Variants in GABPB1 observed in about 807,000 individuals in gnomAD.
GABPB1 encodes the protein GA binding protein transcription factor subunit beta 1.
GABPB1 carries 15 observed loss-of-function variants against 45.9 expected under a neutral mutation model. The observed-to-expected ratio is 0.33, with a 90% CI of 0.22 to 0.50. GABPB1 has a LOEUF of 0.50. Ranked by LOEUF, GABPB1 falls within the 20% of genes least tolerant of loss-of-function variation. GABPB1 has a pLI of 0.98. For synonymous variants in GABPB1, 143 were observed against 154.4 expected, an observed-to-expected ratio of 0.93 and a Z score of 0.55; for missense variants, 252 against 457.5, an observed-to-expected ratio of 0.55 and a Z score of 4.10.
chr15:50,305,269 T>TA (rs1206642723), intron 2 of GABPB1, among the ~76,000 whole-genome samples: 1 of 144,812 alleles, frequency 6.9e-6, no homozygotes, highest in Non-Finnish European at 1.5e-5. Context: ...TAAAGGTCCT[T>TA]AGTCCTATCT....
intron 1 of GABPB1, among the ~76,000 whole-genome samples, chr15:50,332,854 T>C (rs560284602): frequency 6.6e-5 from 10 of 152,286 alleles, no homozygotes; most frequent in African/African-American, 2.4e-4. Context: ...TTAGACATTT[T>C]TACTATGTTT....
rs1037022256 is a variant in GABPB1 at position 50,277,994 on chromosome 15, G to A, written c.*638C>T. 6.6e-5 allele frequency: 10 copies of A among 152,440 alleles called. No homozygotes were observed. Among genetic ancestry groups the A allele is most frequent in the African/African-American group, 2.4e-4 (10 of 41,428 alleles). 9.4% of individuals were successfully genotyped at this position (152,440 alleles called of 1,614,324 possible). Reference sequence around the variant, plus strand: ...TTCTGTGGGAGAAATACCTATGTAAGTGATGCATTTTGAAATTATAAAACA... The same window carrying A: ...TTCTGTGGGAGAAATACCTATGTAAATGATGCATTTTGAAATTATAAAACA... On this transcript the variant is annotated 3_prime_UTR_variant, in exon 9 of 9. Transcript: ENST00000380877.
At chr15:50,341,403 A>T (rs1162167255) in intron 1 of GABPB1, among the ~76,000 whole-genome samples, 1 of 152,070 alleles carries the variant, frequency 6.6e-6, no homozygotes, top group Non-Finnish European at 1.5e-5. Context: ...ATGGCGGTGC[A>T]TGCCTGTAAT....
At position 50,300,915 on chromosome 15, in the gene GABPB1, A is replaced by G. The variant is rs763456350; in HGVS notation, c.584-13T>C. Reference sequence around the variant, plus strand: ...ACACCCGTTTCATCTGTAAGAAAAAAGAAAATAGATTTGAATTTCTAAGGA... The same window carrying G: ...ACACCCGTTTCATCTGTAAGAAAAAGGAAAATAGATTTGAATTTCTAAGGA... On this transcript the variant is annotated splice_polypyrimidine_tract_variant and intron_variant, in intron 5 of 8. Coordinates refer to ENST00000380877, the MANE Select transcript of GABPB1 (RefSeq NM_016654.5). 6 of 1,462,698 alleles carry G rather than the reference A, an allele frequency of 4.1e-6. No homozygotes were observed. Among genetic ancestry groups the G allele is most frequent in the Non-Finnish European group, 4.8e-6 (5 of 1,044,728 alleles). The allele number at this position is 1,462,698 out of a possible 1,614,324, so 90.6% of individuals were successfully genotyped here.
At chr15:50,288,364 A>G (rs2046234886) in intron 7 of GABPB1, among the ~76,000 whole-genome samples, 1 of 152,128 alleles carries the variant, frequency 6.6e-6, no homozygotes, top group African/African-American at 2.4e-5. Flanking sequence ...AGCCCTAGTC[A>G]TTTTCTCAAA....
intron 1 of GABPB1, chr15:50,354,066 C>G: frequency 3.7e-6 from 1 of 269,994 alleles, no homozygotes. Flanking sequence ...ACACACAAAG[C>G]AGGCCTGTAT....
intron 1 of GABPB1, chr15:50,354,466 G>A (rs1194921109): frequency 6.7e-6 from 3 of 446,108 alleles, no homozygotes; most frequent in South Asian, 4.7e-5. Context: ...CGCCACCCTC[G>A]CCGCCCGTTC....
chr15:50,333,491 A>G (rs1425548656), intron 1 of GABPB1, among the ~76,000 whole-genome samples: 2 of 152,110 alleles, frequency 1.3e-5, no homozygotes, highest in East Asian at 3.9e-4. Flanking sequence ...ACAGAGTGAG[A>G]CCTGTCTCAA....
chr15:50,291,518 G>A (rs887609370), intron 6 of GABPB1, among the ~76,000 whole-genome samples: 28 of 150,046 alleles, frequency 1.9e-4, no homozygotes, highest in African/African-American at 4.7e-4. Flanking sequence ...TAGTAGAGAC[G>A]GGTTACACCA....
Position 50,302,872 on chromosome 15 carries a change from C to G in GABPB1, c.471+57G>C, listed in dbSNP as rs567147472. On this transcript the variant is annotated intron_variant, in intron 4 of 8. Transcript: ENST00000380877. ...TAAATCATGCACAATATAAGAGATCCCTCTACTGATAAGGCTTCTTTTTCT... is the reference window on the plus strand; with the variant it reads ...TAAATCATGCACAATATAAGAGATCGCTCTACTGATAAGGCTTCTTTTTCT... The G allele has an allele frequency of 2.7e-6, 3 of 1,111,766 alleles. No individual in the cohort carries two copies. The South Asian group carries it at 4.2e-5, about 15-fold the overall frequency. The allele number at this position is 1,111,766 out of a possible 1,614,324, so 68.9% of individuals were successfully genotyped here.
chr15:50,346,535 T>G (rs930552709), intron 1 of GABPB1: 1 of 151,834 alleles, frequency 6.6e-6, no homozygotes, highest in South Asian at 2.1e-4. Context: ...TCAGACTGTT[T>G]GGGTTGCTGT....
intron 1 of GABPB1, among the ~76,000 whole-genome samples, chr15:50,324,647 C>T (rs1333006821): frequency 2.0e-5 from 3 of 150,230 alleles, no homozygotes; most frequent in Non-Finnish European, 4.4e-5. Flanking sequence ...CGAGTTCAAG[C>T]AATTCCCCTG....
chr15:50,293,057 G>A (rs1254870507), intron 6 of GABPB1, among the ~76,000 whole-genome samples: 1 of 151,968 alleles, frequency 6.6e-6, no homozygotes, highest in African/African-American at 2.4e-5. Flanking sequence ...AAATGGCATG[G>A]TTTTTAATGT....
chr15:50,353,709 G>A (rs959265949), intron 1 of GABPB1: 2 of 151,998 alleles, frequency 1.3e-5, no homozygotes, highest in Non-Finnish European at 2.9e-5. Flanking sequence ...ACCAAGCTGG[G>A]TGGGTCTTTA....
At chr15:50,278,892 C>A in intron 8 of GABPB1, 108 bp from the exon 9 acceptor site, 2 of 818,734 alleles carry the variant, frequency 2.4e-6, no homozygotes, top group East Asian at 2.9e-5. Flanking sequence ...TAGCTAAAAG[C>A]AGCCACCTAT....
intron 6 of GABPB1, among the ~76,000 whole-genome samples, chr15:50,294,092 C>A (rs1017856221): frequency 6.6e-6 from 1 of 152,094 alleles, no homozygotes; most frequent in African/African-American, 2.4e-5. Context: ...GCACCTTTGA[C>A]GACATCTGAG....
At chr15:50,291,890 C>A (rs1243487906) in intron 6 of GABPB1, among the ~76,000 whole-genome samples, 2 of 146,112 alleles carry the variant, frequency 1.4e-5, no homozygotes, top group Non-Finnish European at 3.0e-5. Context: ...TGCACTCCAG[C>A]CTGGGTGACA....
intron 1 of GABPB1, among the ~76,000 whole-genome samples, chr15:50,339,137 G>A (rs2048250896): frequency 6.6e-6 from 1 of 152,162 alleles, no homozygotes; most frequent in Admixed American, 6.5e-5. Flanking sequence ...TGGTCAACAT[G>A]GTGAAACCCT....
chr15:50,282,449 G>T, intron 8 of GABPB1: 1 of 340,358 alleles, frequency 2.9e-6, no homozygotes, highest in Non-Finnish European at 5.7e-6. Context: ...AGCTGCTTGG[G>T]AGGCTGAGGT....
Sources: gnomAD v4.1 joint callset for allele counts (sites outside exome capture counted in the v4.1 genomes callset) on GRCh38, gnomAD v4.1.1 for gene constraint, MANE v1.5 for transcripts, NCBI Gene and HGNC (gene_info 2026-07-23, HGNC 2026-07-21) for gene names.